The following AXIN1 variants were observed in gnomAD, a reference collection of about 807,000 sequenced individuals.
AXIN1 encodes the protein axin-1.
In AXIN1, 30 loss-of-function variants were observed where a neutral mutation model predicts 76.4. The ratio of observed to expected loss-of-function variants is 0.39; its 90% confidence interval spans 0.29 to 0.53. AXIN1 has a LOEUF of 0.53. Ranked by LOEUF, AXIN1 falls within the 20% of genes least tolerant of loss-of-function variation. The probability of loss-of-function intolerance (pLI) is 0.66; values close to 1 mark genes in which losing one functional copy is unlikely to be tolerated. For missense variants in AXIN1, 1,140 were observed against 1,198.8 expected (o/e 0.95, Z 0.72); for synonymous variants, 545 against 501.4 (o/e 1.09, Z -1.16).
chr16:333,947 A>T (rs565444866), intron 2 of AXIN1, among the ~76,000 whole-genome samples: 158 of 151,548 alleles, frequency 1.0e-3, no homozygotes, highest in African/African-American at 3.4e-3. Flanking sequence ...TACCATGCCA[A>T]TAACACAGCA....
chr16:323,161 C>T (rs887000507), intron 2 of AXIN1, among the ~76,000 whole-genome samples: 6 of 152,082 alleles, frequency 3.9e-5, no homozygotes, highest in African/African-American at 4.8e-5. Flanking sequence ...GGAAAGAGGC[C>T]GGGCGCGGTG....
intron 9 of AXIN1, 105 bp downstream of exon 9, chr16:291,085 G>T: frequency 1.9e-6 from 2 of 1,066,892 alleles, no homozygotes; most frequent in South Asian, 1.3e-5. Flanking sequence ...TTCTGAGCGT[G>T]GTACCCGAGC....
intron 2 of AXIN1, among the ~76,000 whole-genome samples, chr16:324,549 C>T (rs867297462): frequency 4.6e-5 from 7 of 152,206 alleles, no homozygotes; most frequent in African/African-American, 1.7e-4. Context: ...GCTTGACAAA[C>T]ACAACTGAGC....
intron 9 of AXIN1, 26 bp downstream of exon 9, chr16:291,164 C>T (rs747047315): frequency 3.9e-5 from 61 of 1,557,776 alleles, no homozygotes; most frequent in African/African-American, 1.1e-4. Flanking sequence ...TGGGCAGGAC[C>T]GGGAGGACCC....
Position 288,243 on chromosome 16 carries a change from T to A in AXIN1, c.2468A>T (p.Tyr823Phe), listed in dbSNP as rs1263287921. 6.2e-7 allele frequency: 1 copy of A among 1,613,488 alleles called. No homozygotes were observed. Among genetic ancestry groups the A allele is most frequent in the Middle Eastern group, 1.6e-4 (1 of 6,062 alleles). ...LLTKKGSYRYYFKKVSDEFDC... is the reference protein window; with the variant it reads ...LLTKKGSYRYFFKKVSDEFDC... ...AAACTCGTCGCTCACTTTCTTGAAG[T>A]AGTATCTGCAGGACGGAGGTGAGGA... Residue 823 changes from tyrosine (Y) to phenylalanine (F), a missense_variant, in exon 11 of 11, where the codon TAC becomes TTC. Physicochemically the swap from Tyr to Phe is conservative, Grantham distance 22. Transcript: ENST00000262320.
In AXIN1 at chr16:297,063, C is replaced by A. The variant is rs117208012; in HGVS notation, c.1948G>T (p.Gly650Cys). The change falls in exon 7 of 11, where the codon GGC becomes TGC. Residue 650 changes from glycine to cysteine, a missense_variant. Around this residue, in one of 3 missense-constraint regions of AXIN1, gnomAD observed 429 missense variants for 405.8 expected, o/e 1.06. Transcript: ENST00000262320. Reference protein sequence around the residue: ...EKEISRHRRTGHGSSGTRKPQ... With the variant: ...EKEISRHRRTCHGSSGTRKPQ... ...TGCGTGCGGGGTGCTCACCCGTGGCCGGTCCTGCGGTGCCTGCTGATCTCC... is the reference window on the plus strand; with the variant it reads ...TGCGTGCGGGGTGCTCACCCGTGGCAGGTCCTGCGGTGCCTGCTGATCTCC... 6.8e-6 allele frequency: 11 copies of A among 1,610,996 alleles called. No individual in the cohort carries two copies. The highest frequency in any genetic ancestry group is 9.3e-6 in the Non-Finnish European group (11 of 1,179,914).
At chr16:337,363 G>A (rs1417251550) in intron 2 of AXIN1, among the ~76,000 whole-genome samples, 1 of 151,728 alleles carries the variant, frequency 6.6e-6, no homozygotes, top group African/African-American at 2.4e-5. Flanking sequence ...AATGCCACTG[G>A]GCATTCAAGT....
chr16:317,543 G>A (rs1431966248), intron 2 of AXIN1, among the ~76,000 whole-genome samples: 6 of 152,308 alleles, frequency 3.9e-5, no homozygotes, highest in Non-Finnish European at 8.8e-5. Context: ...AGACAGTCAC[G>A]GCCAGGTGAC....
chr16:305,297 C>T (rs1259472610), intron 4 of AXIN1, among the ~76,000 whole-genome samples: 2 of 152,158 alleles, frequency 1.3e-5, no homozygotes, highest in East Asian at 3.9e-4. Flanking sequence ...AGTGAGACCT[C>T]ATCTCTACAA....
intron 4 of AXIN1, among the ~76,000 whole-genome samples, chr16:309,190 C>T (rs1457767332): frequency 5.3e-5 from 8 of 151,668 alleles, no homozygotes; most frequent in African/African-American, 9.7e-5. Context: ...ATTAGCCGGG[C>T]GTGGTGGCAG....
chr16:325,062 C>T (rs2053549754), intron 2 of AXIN1, among the ~76,000 whole-genome samples: 1 of 152,168 alleles, frequency 6.6e-6, no homozygotes, highest in African/African-American at 2.4e-5. Context: ...AGATCACAGC[C>T]TCAGCCCCGC....
chr16:311,546 C>T (rs866876025), intron 3 of AXIN1, among the ~76,000 whole-genome samples: 3 of 151,100 alleles, frequency 2.0e-5, no homozygotes, highest in Non-Finnish European at 3.0e-5. Context: ...CCGAGGCGGG[C>T]GGATCACGAG....
chr16:332,457 G>T (rs1052154761), intron 2 of AXIN1, among the ~76,000 whole-genome samples: 22 of 151,610 alleles, frequency 1.5e-4, no homozygotes, highest in African/African-American at 5.1e-4. Flanking sequence ...GGCGCCTGTA[G>T]TCCCAGCTCT....
At chr16:299,127 GA>G in intron 5 of AXIN1, 1 of 985,444 alleles carries the variant, frequency 1.0e-6, no homozygotes, top group Non-Finnish European at 1.2e-6. Context: ...TACATGTTGT[GA>G]TGCTGCCTGA....
chr16:327,322 A>C (rs1370202168), intron 2 of AXIN1, among the ~76,000 whole-genome samples: 2 of 152,060 alleles, frequency 1.3e-5, no homozygotes, highest in African/African-American at 4.8e-5. Context: ...TTCTGCTCAC[A>C]CTGAATGAGC....
intron 3 of AXIN1, among the ~76,000 whole-genome samples, chr16:312,622 T>G (rs2053208371): frequency 6.6e-6 from 1 of 152,196 alleles, no homozygotes; most frequent in African/African-American, 2.4e-5. Context: ...TAACCTCAAG[T>G]CAGGTGCTGC....
intron 2 of AXIN1, among the ~76,000 whole-genome samples, chr16:324,761 C>T (rs890347705): frequency 1.1e-4 from 17 of 152,140 alleles, no homozygotes; most frequent in Non-Finnish European, 1.6e-4. Context: ...ACCTGCATCC[C>T]GACCCCCCGG....
rs143947251 is a variant in AXIN1, at chr16:333,913, C to A, written c.878+12235G>T. ...ACACAGCACCAGGTACCATAGCATG[C>A]CCATAACACAGCACCCAGTACCATA... On this transcript the variant is annotated intron_variant, in intron 2 of 10. Coordinates refer to ENST00000262320, the MANE Select transcript of AXIN1 (RefSeq NM_003502.4). Among the ~76,000 whole-genome samples, 4 of 150,854 alleles carry A rather than the reference C, an allele frequency of 2.7e-5. No homozygotes were observed. The East Asian group carries it at 7.8e-4, about 29-fold the overall frequency.
chr16:301,499 T>C (rs931783993), intron 5 of AXIN1, among the ~76,000 whole-genome samples: 16 of 151,868 alleles, frequency 1.1e-4, no homozygotes, highest in Non-Finnish European at 2.1e-4. Context: ...CTTTAACATG[T>C]CTTGCTTAAG....
Sources: gnomAD v4.1 joint callset for allele counts (sites outside exome capture counted in the v4.1 genomes callset) on GRCh38, gnomAD v4.1.1 for gene constraint, gnomAD v4.1.1 regional missense constraint, MANE v1.5 for transcripts, NCBI Gene and HGNC (gene_info 2026-07-23, HGNC 2026-07-21) for gene names.